TPST1: variants seen among roughly 807,000 people sequenced by gnomAD.
TPST1 encodes the protein tyrosylprotein sulfotransferase 1.
In TPST1, 20 loss-of-function variants were observed where a neutral mutation model predicts 34.8. The ratio of observed to expected loss-of-function variants is 0.57; its 90% CI spans 0.40 to 0.84. TPST1 has a LOEUF of 0.84. Ranked by LOEUF, TPST1 falls within the 40% of genes least tolerant of loss-of-function variation. The pLI, the probability that TPST1 is intolerant of heterozygous loss-of-function variation, is 0.00. For missense variants in TPST1, 353 were observed against 455.5 expected (o/e 0.78, Z 2.05); for synonymous variants, 152 against 159.4 (o/e 0.95, Z 0.35).
intron 2 of TPST1, among the ~76,000 whole-genome samples, chr7:66,269,305 T>C (rs1034484590): frequency 6.6e-6 from 1 of 152,208 alleles, no homozygotes; most frequent in Non-Finnish European, 1.5e-5. Context: ...AAAAGAAAAC[T>C]TTAGATTAGT....
chr7:66,199,916 G>C, the TPST1 span, among the ~76,000 whole-genome samples: 1 of 151,706 alleles, frequency 6.6e-6, no homozygotes, highest in Non-Finnish European at 1.5e-5. Context: ...TCACCATGCT[G>C]GCCAGAGGTT....
chr7:66,259,607 T>C (rs1394996182), intron 2 of TPST1, among the ~76,000 whole-genome samples: 1 of 152,168 alleles, frequency 6.6e-6, no homozygotes, highest in Non-Finnish European at 1.5e-5. Context: ...AAATAGGCTT[T>C]GTTTTTTATA....
intron 1 of TPST1, among the ~76,000 whole-genome samples, chr7:66,208,217 G>T (rs546915503): frequency 6.6e-6 from 1 of 152,184 alleles, no homozygotes; most frequent in East Asian, 1.9e-4. Flanking sequence ...CCCTTCCTGG[G>T]CCCTTTGTGA....
chr7:66,275,848 T>G (rs1434098533), intron 2 of TPST1, among the ~76,000 whole-genome samples: 1 of 152,176 alleles, frequency 6.6e-6, no homozygotes, highest in African/African-American at 2.4e-5. Context: ...ACTTGAAAAT[T>G]GCTGAGACTA....
chr7:66,273,667 A>G (rs916213533), intron 2 of TPST1, among the ~76,000 whole-genome samples: 1 of 152,228 alleles, frequency 6.6e-6, no homozygotes, highest in African/African-American at 2.4e-5. Flanking sequence ...AGAATACACA[A>G]TAGGGAAAAG....
rs1215262066 is a variant in TPST1, at chr7:66,240,693, G to A, written c.268G>A (p.Asp90Asn). ...SGTTLMRAML[D>N]AHPDIRCGEE... ...AACCACACTCATGAGGGCCATGCTG[G>A]ACGCACATCCTGACATTCGCTGTGG... Residue 90 changes from aspartate to asparagine, a missense_variant, in exon 2 of 6, where the codon GAC becomes AAC. Transcript: ENST00000304842. 1.2e-6 allele frequency: 2 copies of A among 1,614,062 alleles called. No individual in the cohort carries two copies. The highest frequency in any genetic ancestry group is 8.5e-7 in the Non-Finnish European group (1 of 1,180,048).
At chr7:66,261,814 A>G (rs1299188117) in intron 2 of TPST1, among the ~76,000 whole-genome samples, 1 of 152,150 alleles carries the variant, frequency 6.6e-6, no homozygotes. Flanking sequence ...TTTACGTCAT[A>G]GGGTTGTTAA....
At chr7:66,210,364 T>C (rs1303436081) in intron 1 of TPST1, among the ~76,000 whole-genome samples, 1 of 152,150 alleles carries the variant, frequency 6.6e-6, no homozygotes, top group Non-Finnish European at 1.5e-5. Flanking sequence ...AAGATGGAGA[T>C]ATATATGGAG....
intron 2 of TPST1, among the ~76,000 whole-genome samples, chr7:66,271,136 T>G (rs1790696120): frequency 1.3e-5 from 2 of 152,148 alleles, no homozygotes; most frequent in Admixed American, 1.3e-4. Context: ...CTGTTGCAAT[T>G]AGCATTTTTA....
At chr7:66,342,023 A>G (rs967416895) in intron 3 of TPST1, among the ~76,000 whole-genome samples, 9 of 152,176 alleles carry the variant, frequency 5.9e-5, no homozygotes, top group Non-Finnish European at 1.3e-4. Flanking sequence ...AGCAAAATTC[A>G]AGTTGTCTGA....
chr7:66,231,408 G>A (rs1177127773), intron 1 of TPST1, among the ~76,000 whole-genome samples: 1 of 152,230 alleles, frequency 6.6e-6, no homozygotes, highest in Admixed American at 6.5e-5. Flanking sequence ...CGTGGAGCAG[G>A]GGGTGGCACT....
At chr7:66,308,428 G>A (rs76826654) in intron 3 of TPST1, among the ~76,000 whole-genome samples, 1 of 152,122 alleles carries the variant, frequency 6.6e-6, no homozygotes, top group South Asian at 2.1e-4. Flanking sequence ...TTTTGGTAGA[G>A]AGAGGCAGCT....
chr7:66,244,034 G>A (rs911308674), intron 2 of TPST1, among the ~76,000 whole-genome samples: 4 of 148,290 alleles, frequency 2.7e-5, no homozygotes, highest in Non-Finnish European at 5.9e-5. Context: ...CTGCGAGCTC[G>A]GCCTCCCAGG....
chr7:66,280,734 A>G (rs1373265171), intron 2 of TPST1, among the ~76,000 whole-genome samples: 1 of 152,208 alleles, frequency 6.6e-6, no homozygotes. Flanking sequence ...GCAGCACATC[A>G]ACTGGTGCTG....
At chr7:66,227,866 C>T (rs1246786760) in intron 1 of TPST1, among the ~76,000 whole-genome samples, 1 of 151,828 alleles carries the variant, frequency 6.6e-6, no homozygotes, top group Non-Finnish European at 1.5e-5. Context: ...TTTAAGAAAA[C>T]AATCGTGTGT....
upstream of TPST1, among the ~76,000 whole-genome samples, chr7:66,204,573 C>A (rs903840472): frequency 6.6e-6 from 1 of 152,218 alleles, no homozygotes; most frequent in Non-Finnish European, 1.5e-5. Context: ...CTTCTCTAAT[C>A]CATGTCACTG....
chr7:66,223,553 GCTTT>G (rs1371378713), intron 1 of TPST1, among the ~76,000 whole-genome samples: 1 of 151,316 alleles, frequency 6.6e-6, no homozygotes, highest in Non-Finnish European at 1.5e-5. Flanking sequence ...GAAGAAATTT[GCTTT>G]CTTTGTTCCT....
intron 2 of TPST1, among the ~76,000 whole-genome samples, chr7:66,267,821 T>G (rs770182329): frequency 6.6e-6 from 1 of 152,214 alleles, no homozygotes; most frequent in African/African-American, 2.4e-5. Context: ...CCTGCCCTTA[T>G]GGAACATATA....
At chr7:66,357,455 C>G (rs569142324) in intron 5 of TPST1, among the ~76,000 whole-genome samples, 3 of 152,248 alleles carry the variant, frequency 2.0e-5, no homozygotes, top group Admixed American at 2.0e-4. Flanking sequence ...TCAAGTTTGC[C>G]CTTGCTTGTT....
Sources: allele counts gnomAD v4.1 joint callset (sites outside exome capture counted in the v4.1 genomes callset), GRCh38; gene constraint gnomAD v4.1.1; transcripts MANE v1.5; gene names NCBI Gene and HGNC (gene_info 2026-07-23, HGNC 2026-07-21).